Variants in CACNA2D3 observed in about 807,000 individuals in gnomAD.
CACNA2D3 encodes the protein voltage-dependent calcium channel subunit alpha-2/delta-3.
Under a neutral mutation model 160.6 loss-of-function variants are expected in CACNA2D3, and 60 were observed. The ratio of observed to expected loss-of-function variants is 0.37; its 90% CI spans 0.30 to 0.46. The LOEUF is 0.46. Among genes scored for constraint, CACNA2D3 ranks in the 20% least tolerant of loss-of-function variants. The probability of loss-of-function intolerance (pLI) is 1.00; values close to 1 mark genes in which losing one functional copy is unlikely to be tolerated. For missense variants in CACNA2D3, 1,205 were observed against 1,365.0 expected, an observed-to-expected ratio of 0.88 and a Z score of 1.85; for synonymous variants, 558 against 492.9, an observed-to-expected ratio of 1.13 and a Z score of -1.75.
chr3:54,172,781 A>G (rs2107313321), intron 2 of CACNA2D3, among the ~76,000 whole-genome samples: 1 of 152,320 alleles, frequency 6.6e-6, no homozygotes, highest in South Asian at 2.1e-4. Context: ...CATTTCTTCA[A>G]GGTACATCTA....
At chr3:54,302,340 T>C (rs537127695) in intron 2 of CACNA2D3, among the ~76,000 whole-genome samples, 1 of 152,348 alleles carries the variant, frequency 6.6e-6, no homozygotes, top group South Asian at 2.1e-4. Flanking sequence ...TTGGTGTAGC[T>C]CAGGGGTCTG....
intron 5 of CACNA2D3, among the ~76,000 whole-genome samples, chr3:54,520,538 C>T (rs1375231746): frequency 6.6e-6 from 1 of 152,182 alleles, no homozygotes; most frequent in Non-Finnish European, 1.5e-5. Context: ...GGAGCAGAGG[C>T]TCTCATCTCA....
At chr3:54,316,503 G>T (rs1703866135) in intron 2 of CACNA2D3, among the ~76,000 whole-genome samples, 1 of 152,194 alleles carries the variant, frequency 6.6e-6, no homozygotes, top group Non-Finnish European at 1.5e-5. Context: ...TCCCCAGGAT[G>T]ATAAGAAAGT....
chr3:54,478,563 C>T (rs999617998), intron 4 of CACNA2D3, among the ~76,000 whole-genome samples: 8 of 147,038 alleles, frequency 5.4e-5, no homozygotes, highest in East Asian at 4.0e-4. Flanking sequence ...ACCTGGGAGG[C>T]GGAGCTTGCA....
At chr3:54,802,520 T>G (rs986051471) in intron 13 of CACNA2D3, among the ~76,000 whole-genome samples, 6 of 152,200 alleles carry the variant, frequency 3.9e-5, no homozygotes. Flanking sequence ...AATATTTTGT[T>G]GAATCCCTTT....
At chr3:55,060,601 G>C (rs933195722) in intron 35 of CACNA2D3, among the ~76,000 whole-genome samples, 12 of 152,046 alleles carry the variant, frequency 7.9e-5, no homozygotes, top group Admixed American at 3.9e-4. Flanking sequence ...AAAGGGTTTG[G>C]CATTAAGTAA....
intron 6 of CACNA2D3, among the ~76,000 whole-genome samples, chr3:54,568,050 T>C (rs534421188): frequency 1.3e-5 from 2 of 152,348 alleles, no homozygotes; most frequent in South Asian, 2.1e-4. Context: ...TCAGACCTCA[T>C]TGCCACACAG....
chr3:54,718,637 A>C (rs1213386998), intron 11 of CACNA2D3, among the ~76,000 whole-genome samples: 1 of 152,024 alleles, frequency 6.6e-6, no homozygotes, highest in African/African-American at 2.4e-5. Flanking sequence ...TTGATTCTTC[A>C]AAATTGTCTT....
At chr3:54,630,017 C>T (rs1273269742) in intron 10 of CACNA2D3, among the ~76,000 whole-genome samples, 1 of 152,096 alleles carries the variant, frequency 6.6e-6, no homozygotes, top group African/African-American at 2.4e-5. Flanking sequence ...GTTTCTTGTT[C>T]ACAGTTATTG....
intron 35 of CACNA2D3, among the ~76,000 whole-genome samples, chr3:55,059,682 G>T (rs555201452): frequency 6.6e-6 from 1 of 152,270 alleles, no homozygotes; most frequent in East Asian, 1.9e-4. Flanking sequence ...TGGTACCCGG[G>T]TTCTTGTCCA....
intron 2 of CACNA2D3, among the ~76,000 whole-genome samples, chr3:54,270,393 A>G (rs1457110456): frequency 3.9e-5 from 6 of 152,216 alleles, no homozygotes; most frequent in African/African-American, 1.2e-4. Context: ...TTTGCTTGAC[A>G]CTGCTCTTGA....
At chr3:54,728,484 G>T (rs574869817) in intron 11 of CACNA2D3, among the ~76,000 whole-genome samples, 1 of 151,950 alleles carries the variant, frequency 6.6e-6, no homozygotes, top group African/African-American at 2.4e-5. Context: ...GGTTATTTTA[G>T]AGTCTGTGCC....
intron 10 of CACNA2D3, among the ~76,000 whole-genome samples, chr3:54,637,237 G>A (rs1222637634): frequency 6.6e-6 from 1 of 151,908 alleles, no homozygotes; most frequent in East Asian, 1.9e-4. Flanking sequence ...TGGGATATTG[G>A]CGTTGAGTAG....
chr3:54,646,123 CTT>C, intron 11 of CACNA2D3, among the ~76,000 whole-genome samples: 1 of 70,046 alleles, frequency 1.4e-5, no homozygotes, highest in African/African-American at 3.6e-5. Context: ...TCCTTCCTTC[CTT>C]TCTTCCTTCC....
chr3:54,776,254 C>G (rs1380049155), intron 13 of CACNA2D3, among the ~76,000 whole-genome samples: 7 of 152,182 alleles, frequency 4.6e-5, no homozygotes, highest in Non-Finnish European at 1.0e-4. Context: ...TGGCTTATAC[C>G]TGTAATTCCA....
intron 13 of CACNA2D3, among the ~76,000 whole-genome samples, chr3:54,778,680 A>G (rs370937614): frequency 1.1e-4 from 17 of 152,214 alleles, no homozygotes; most frequent in African/African-American, 3.9e-4. Context: ...CATCCTCAAT[A>G]TATGATCAGG....
intron 2 of CACNA2D3, among the ~76,000 whole-genome samples, chr3:54,306,210 A>T (rs1703596561): frequency 6.6e-6 from 1 of 152,196 alleles, no homozygotes; most frequent in South Asian, 2.1e-4. Flanking sequence ...CATTAAAGGC[A>T]CATTACAGCA....
intron 9 of CACNA2D3, among the ~76,000 whole-genome samples, chr3:54,594,441 A>G (rs1250662188): frequency 6.6e-6 from 1 of 152,252 alleles, no homozygotes; most frequent in African/African-American, 2.4e-5. Flanking sequence ...AATAAATAAC[A>G]TAACATTAGC....
intron 4 of CACNA2D3, among the ~76,000 whole-genome samples, chr3:54,502,886 C>T (rs1441459738): frequency 6.6e-6 from 1 of 152,182 alleles, no homozygotes; most frequent in Non-Finnish European, 1.5e-5. Context: ...ATTTGTAAAT[C>T]ATGCCAGCAC....
Sources: gnomAD v4.1 joint callset for allele counts (sites outside exome capture counted in the v4.1 genomes callset) on GRCh38, gnomAD v4.1.1 for gene constraint, MANE v1.5 for transcripts, NCBI Gene and HGNC (gene_info 2026-07-23, HGNC 2026-07-21) for gene names.